The following CRYM variants were observed in gnomAD, a reference collection of about 807,000 sequenced individuals.
The protein encoded by CRYM is ketimine reductase mu-crystallin.
Under a neutral mutation model 32.9 loss-of-function variants are expected in CRYM, and 18 were observed. The ratio of observed to expected loss-of-function variants is 0.55; its 90% CI spans 0.38 to 0.81. The LOEUF is 0.81. Ranked by LOEUF, CRYM falls within the 30% of genes least tolerant of loss-of-function variation. The pLI is 0.00. For missense variants in CRYM, 337 were observed against 393.5 expected, an observed-to-expected ratio of 0.86 and a Z score of 1.21; for synonymous variants, 153 against 152.4, an observed-to-expected ratio of 1.00 and a Z score of -0.03.
chr16:21,258,896 A>G (rs2093349271), intron 7 of CRYM, 51 bp from the exon 8 acceptor site: 3 of 1,523,506 alleles, frequency 2.0e-6, no homozygotes, highest in Non-Finnish European at 2.7e-6. Flanking sequence ...ACTTTTCTTG[A>G]AACAACCCAG....
chr16:21,291,470 A>G (rs2152865061), intron 1 of CRYM, among the ~76,000 whole-genome samples: 1 of 152,276 alleles, frequency 6.6e-6, no homozygotes, highest in South Asian at 2.1e-4. Flanking sequence ...TCATTTTGAA[A>G]AAACTAAACC....
At chr16:21,287,193 C>G (rs1453329615) in intron 1 of CRYM, among the ~76,000 whole-genome samples, 2 of 152,116 alleles carry the variant, frequency 1.3e-5, no homozygotes, top group African/African-American at 2.4e-5. Context: ...AATAGAATCA[C>G]TGGTCACTGT....
intron 7 of CRYM, among the ~76,000 whole-genome samples, chr16:21,260,713 A>G (rs1002462403): frequency 2.6e-5 from 4 of 152,210 alleles, no homozygotes; most frequent in Non-Finnish European, 5.9e-5. Flanking sequence ...AAGGTACCCC[A>G]TACAACTCAG....
intron 1 of CRYM, chr16:21,283,959 C>A (rs1345282605): frequency 6.5e-6 from 1 of 152,854 alleles, no homozygotes; most frequent in Non-Finnish European, 1.5e-5. Context: ...GGCGGCGAGG[C>A]TTGAGCAGTG....
In CRYM at chr16:21,278,115, A is replaced by G. The variant is rs1336088444; in HGVS notation, c.137T>C (p.Val46Ala). ...SGPEGGVMQP[V>A]RTVVPVTKHR... The stretch of plus-strand genomic sequence containing the variant: ...CTTGGTCACCGGCACCACGGTGCGC[A>G]CGGGCTGCATGACCCCTCCTTCGGG... The change falls in exon 1 of 8, where the codon GTG becomes GCG. Residue 46 changes from valine to alanine, a missense_variant. Val to Ala is a moderately conservative substitution (Grantham distance 64, BLOSUM62 0). Transcript: ENST00000572914. The G allele has an allele frequency of 4.5e-6, 7 of 1,548,198 alleles. No individual in the cohort carries two copies. The highest frequency in any genetic ancestry group is 6.1e-6 in the Non-Finnish European group (7 of 1,147,018).
At position 21,295,880 on chromosome 16, in the gene CRYM, C is replaced by G. The variant is rs143060247; in HGVS notation, c.-193+7098G>C. On this transcript the variant is annotated intron_variant, in intron 1 of 9. Transcript: ENST00000219599. ...CCAGGAGATGGAGGCTGCAGTGAGCCGAGATCATGCCACTGCACTTCAGCC... is the reference window on the plus strand; with the variant it reads ...CCAGGAGATGGAGGCTGCAGTGAGCGGAGATCATGCCACTGCACTTCAGCC... Among the ~76,000 whole-genome samples, 7 of 151,832 alleles carry G rather than the reference C, an allele frequency of 4.6e-5. 1 individual carries two copies. The East Asian group carries it at 1.4e-3, about 29-fold the overall frequency.
intron 1 of CRYM, among the ~76,000 whole-genome samples, chr16:21,299,567 C>T (rs1454602065): frequency 6.6e-6 from 1 of 152,212 alleles, no homozygotes. Context: ...GCCTTGGCCT[C>T]CCGAAGTGCT....
chr16:21,278,584 A>C, upstream of CRYM: 2 of 404,466 alleles, frequency 4.9e-6, no homozygotes, highest in South Asian at 2.6e-5. Context: ...TTCCTACATA[A>C]CCCCTCCCTA....
intron 3 of CRYM, among the ~76,000 whole-genome samples, chr16:21,273,506 G>A (rs894665046): frequency 6.6e-6 from 1 of 152,196 alleles, no homozygotes; most frequent in African/African-American, 2.4e-5. Flanking sequence ...GTCTACAAAA[G>A]TGTGGTTTCC....
At chr16:21,279,800 AAGTGTCAAAATC>A (rs2152863592), upstream of CRYM, among the ~76,000 whole-genome samples, 2 of 152,334 alleles carry the variant, frequency 1.3e-5, no homozygotes, top group Admixed American at 1.3e-4. Context: ...GTGGATGAGT[AAGTGTCAAAATC>A]AGTACCAATG....
chr16:21,283,573 T>C (rs2093401760), intron 1 of CRYM: 1 of 150,362 alleles, frequency 6.7e-6, no homozygotes, highest in Non-Finnish European at 1.5e-5. Flanking sequence ...GTCCTAGAGT[T>C]GGGGGACTGA....
upstream of CRYM, among the ~76,000 whole-genome samples, chr16:21,281,136 GTA>G (rs757721670): frequency 0.27 from 39,578 of 146,638 alleles, 5,383 homozygotes; most frequent in African/African-American, 0.31. Context: ...CTCTCTCTCT[GTA>G]TATATATATA....
chr16:21,290,043 A>G (rs1371820746), intron 1 of CRYM, among the ~76,000 whole-genome samples: 1 of 147,656 alleles, frequency 6.8e-6, no homozygotes, highest in Non-Finnish European at 1.5e-5. Flanking sequence ...ACCAATCAGC[A>G]CTCTGTAAAA....
chr16:21,302,839 G>T (rs577759472), intron 1 of CRYM: 1 of 152,328 alleles, frequency 6.6e-6, no homozygotes, highest in Admixed American at 6.5e-5. Flanking sequence ...AAGAGTTACA[G>T]ATATCTCAAG....
intron 1 of CRYM, chr16:21,301,359 G>T (rs1960922075): frequency 6.7e-6 from 1 of 150,216 alleles, no homozygotes. Flanking sequence ...AGGGACTTGG[G>T]GCATAGGGTA....
At chr16:21,278,587 C>T, upstream of CRYM, 1 of 411,680 alleles carries the variant, frequency 2.4e-6, no homozygotes, top group South Asian at 2.5e-5. Flanking sequence ...CTACATAACC[C>T]CTCCCTATTA....
chr16:21,279,312 T>C (rs1226987719), upstream of CRYM, among the ~76,000 whole-genome samples: 3 of 152,224 alleles, frequency 2.0e-5, no homozygotes, highest in African/African-American at 7.2e-5. Context: ...GGAAGAAATT[T>C]AGTTCAAGGT....
intron 1 of CRYM, among the ~76,000 whole-genome samples, chr16:21,297,854 A>G (rs1960820354): frequency 6.6e-6 from 1 of 152,242 alleles, no homozygotes. Flanking sequence ...ATTGGCTAAC[A>G]AGCAAAATCC....
At chr16:21,299,945 A>T (rs761974615) in intron 1 of CRYM, 2 of 152,170 alleles carry the variant, frequency 1.3e-5, no homozygotes, top group Non-Finnish European at 2.9e-5. Context: ...AGGGATCCTT[A>T]ACTGCTACAT....
Sources: allele counts gnomAD v4.1 joint callset (sites outside exome capture counted in the v4.1 genomes callset), GRCh38; gene constraint gnomAD v4.1.1; transcripts MANE v1.5; gene names NCBI Gene and HGNC (gene_info 2026-07-23, HGNC 2026-07-21).